ATP10B: variants seen among roughly 807,000 people sequenced by gnomAD.
ATP10B encodes ATPase phospholipid transporting 10B (putative).
ATP10B carries 122 observed loss-of-function variants against 141.2 expected under a neutral mutation model. The ratio of observed to expected loss-of-function variants is 0.86; its 90% confidence interval spans 0.75 to 1.00. The LOEUF (loss-of-function observed/expected upper bound fraction) is 1.00. Ranked by LOEUF, ATP10B falls within the 50% of genes least tolerant of loss-of-function variation. ATP10B has a pLI of 0.00. For missense variants in ATP10B, 1,876 were observed against 1,825.3 expected, an observed-to-expected ratio of 1.03 and a Z score of -0.51; for synonymous variants, 685 against 692.0, an observed-to-expected ratio of 0.99 and a Z score of 0.16.
chr5:160,669,434 A>C (rs1762522944), intron 7 of ATP10B, among the ~76,000 whole-genome samples: 1 of 152,064 alleles, frequency 6.6e-6, no homozygotes, highest in Non-Finnish European at 1.5e-5. Flanking sequence ...GAGTGGTGAG[A>C]CCTGGGCTTT....
chr5:160,672,256 C>T (rs965757407), intron 6 of ATP10B, among the ~76,000 whole-genome samples: 9 of 152,132 alleles, frequency 5.9e-5, no homozygotes, highest in Non-Finnish European at 1.0e-4. Flanking sequence ...GGATTACAGG[C>T]GTGAGCTACT....
chr5:160,749,788 A>G (rs1768039322), intron 2 of ATP10B, among the ~76,000 whole-genome samples: 1 of 152,158 alleles, frequency 6.6e-6, no homozygotes, highest in African/African-American at 2.4e-5. Context: ...GTAAGTAAGC[A>G]TGTGTGTGGA....
chr5:160,834,897 C>A (rs115015344), intron 1 of ATP10B, among the ~76,000 whole-genome samples: 8 of 152,126 alleles, frequency 5.3e-5, no homozygotes, highest in African/African-American at 1.7e-4. Context: ...AGTCTGTATG[C>A]ATCTATAGCA....
At chr5:160,882,989 A>G in the ATP10B span, among the ~76,000 whole-genome samples, 1 of 152,192 alleles carries the variant, frequency 6.6e-6, no homozygotes, top group Non-Finnish European at 1.5e-5. Flanking sequence ...ACAAAAATAA[A>G]TCTAAAATGA....
chr5:160,646,004 T>A (rs1013513866), intron 8 of ATP10B, among the ~76,000 whole-genome samples: 19 of 152,206 alleles, frequency 1.2e-4, no homozygotes, highest in African/African-American at 4.1e-4. Flanking sequence ...CCTCACTGTG[T>A]TTATAAACTA....
chr5:160,921,051 G>A, the ATP10B span, among the ~76,000 whole-genome samples: 5 of 152,160 alleles, frequency 3.3e-5, no homozygotes, highest in East Asian at 1.9e-4. Context: ...CACGACACCC[G>A]CTCCCCACCT....
chr5:160,672,589 T>C (rs1581325730), intron 6 of ATP10B, among the ~76,000 whole-genome samples: 1 of 152,322 alleles, frequency 6.6e-6, no homozygotes, highest in Middle Eastern at 3.4e-3. Flanking sequence ...ATATCCCACA[T>C]GTGGTCTTTC....
the ATP10B span, among the ~76,000 whole-genome samples, chr5:160,922,546 G>A: frequency 6.6e-6 from 1 of 152,176 alleles, no homozygotes; most frequent in Non-Finnish European, 1.5e-5. Flanking sequence ...CCCAGACTAA[G>A]TAGGCAGAGA....
intron 3 of ATP10B, among the ~76,000 whole-genome samples, chr5:160,703,559 C>T (rs1326354253): frequency 6.6e-6 from 1 of 151,994 alleles, no homozygotes; most frequent in Non-Finnish European, 1.5e-5. Flanking sequence ...TCACTGCAAC[C>T]TCTGCCTCCT....
chr5:160,774,926 C>A (rs1770181072), intron 2 of ATP10B, among the ~76,000 whole-genome samples: 1 of 152,108 alleles, frequency 6.6e-6, no homozygotes. Context: ...TAACTATGAG[C>A]CATGAATAAA....
chr5:160,586,929 A>T (rs1181797717), intron 24 of ATP10B, among the ~76,000 whole-genome samples: 1 of 152,144 alleles, frequency 6.6e-6, no homozygotes, highest in Non-Finnish European at 1.5e-5. Context: ...TTTCACTCTG[A>T]TGATACTTTC....
intron 13 of ATP10B, among the ~76,000 whole-genome samples, chr5:160,626,029 C>A (rs1758592735): frequency 6.6e-6 from 1 of 152,246 alleles, no homozygotes; most frequent in African/African-American, 2.4e-5. Flanking sequence ...TGCCACAGGG[C>A]AAGGCTCTTC....
At chr5:160,852,440 A>G, upstream of ATP10B, among the ~76,000 whole-genome samples, 1 of 152,158 alleles carries the variant, frequency 6.6e-6, no homozygotes, top group Non-Finnish European at 1.5e-5. Context: ...ATTAAGTGTG[A>G]GACAATTATA....
chr5:160,641,195 T>C (rs775933479), intron 9 of ATP10B, among the ~76,000 whole-genome samples: 16 of 152,204 alleles, frequency 1.1e-4, no homozygotes, highest in Non-Finnish European at 2.2e-4. Context: ...GGAGATGACA[T>C]TGAAGGGAGG....
the ATP10B span, among the ~76,000 whole-genome samples, chr5:160,890,491 T>G: frequency 6.6e-6 from 1 of 152,040 alleles, no homozygotes; most frequent in African/African-American, 2.4e-5. Flanking sequence ...GCTTTCTGTC[T>G]CTTTGGATTT....
intron 22 of ATP10B, among the ~76,000 whole-genome samples, chr5:160,597,986 G>C (rs1444907694): frequency 4.3e-5 from 6 of 139,106 alleles, no homozygotes; most frequent in Non-Finnish European, 6.3e-5. Flanking sequence ...GTCAGTGTGG[G>C]GATTCCTCAG....
In ATP10B at chr5:160,734,766, G is replaced by A. The variant is rs147931365; in HGVS notation, c.-330-17732C>T. Among the ~76,000 whole-genome samples the A allele has an allele frequency of 1.4e-3, 210 of 151,960 alleles. 1 individual carries two copies. In the East Asian group the frequency reaches 0.033, roughly 24 times the overall value. On this transcript the variant is annotated intron_variant, in intron 2 of 25. Transcript: ENST00000327245. ...AAATAACAAAATAGTAGACTAAGAC[G>A]TAACTATATTAAAATTACATTAACT...
intron 13 of ATP10B, among the ~76,000 whole-genome samples, chr5:160,623,247 A>C (rs1244821782): frequency 2.0e-5 from 3 of 152,206 alleles, no homozygotes; most frequent in Non-Finnish European, 4.4e-5. Context: ...CTTGTCCGTG[A>C]GATCCTATAT....
At chr5:160,902,257 A>C in the ATP10B span, among the ~76,000 whole-genome samples, 1 of 152,214 alleles carries the variant, frequency 6.6e-6, no homozygotes. Context: ...GTCTCATTGC[A>C]TTGGTAATAC....
Sources: allele counts gnomAD v4.1 joint callset (sites outside exome capture counted in the v4.1 genomes callset), GRCh38; gene constraint gnomAD v4.1.1; transcripts MANE v1.5; gene names NCBI Gene and HGNC (gene_info 2026-07-23, HGNC 2026-07-21).